EIF4G3: variants seen among roughly 807,000 people sequenced by gnomAD.
EIF4G3 encodes the protein eukaryotic translation initiation factor 4 gamma 3.
Under a neutral mutation model 186.4 loss-of-function variants are expected in EIF4G3, and 34 were observed. That is an observed-to-expected ratio of 0.18 (90% CI 0.14 to 0.24). The LOEUF (loss-of-function observed/expected upper bound fraction) is 0.24, where lower values mean the gene tolerates loss of function less well. EIF4G3 is among the 10% of genes least tolerant of loss of function. The pLI, the probability that EIF4G3 is intolerant of heterozygous loss-of-function variation, is 1.00. For missense variants in EIF4G3, 1,536 were observed against 1,948.5 expected (o/e 0.79, Z 3.99); for synonymous variants, 673 against 679.5 (o/e 0.99, Z 0.15).
At chr1:20,998,908 A>C in intron 6 of EIF4G3, 2 of 338,734 alleles carry the variant, frequency 5.9e-6, no homozygotes, top group South Asian at 4.9e-5. Flanking sequence ...CTCTATAGAG[A>C]CTTCCTTCTG....
At chr1:21,105,286 C>T (rs1278212150) in intron 2 of EIF4G3, among the ~76,000 whole-genome samples, 1 of 152,192 alleles carries the variant, frequency 6.6e-6, no homozygotes, top group Non-Finnish European at 1.5e-5. Flanking sequence ...AAAAATTAGC[C>T]ATAGGTGGTG....
intron 23 of EIF4G3, among the ~76,000 whole-genome samples, chr1:20,862,009 T>C (rs940356922): frequency 3.3e-5 from 5 of 151,340 alleles, no homozygotes; most frequent in African/African-American, 1.2e-4. Context: ...AATTGCAATA[T>C]GGTTTGATAA....
chr1:21,122,005 G>C (rs950614814), intron 2 of EIF4G3, among the ~76,000 whole-genome samples: 8 of 152,074 alleles, frequency 5.3e-5, no homozygotes, highest in Non-Finnish European at 1.0e-4. Context: ...GCAACAAAGA[G>C]GTTAGGTGGT....
At chr1:21,166,298 AGT>A (rs2097854555) in intron 2 of EIF4G3, among the ~76,000 whole-genome samples, 1 of 151,550 alleles carries the variant, frequency 6.6e-6, no homozygotes, top group Non-Finnish European at 1.5e-5. Context: ...GGCATAGCGG[AGT>A]GTGTCTGTGG....
At chr1:20,807,755 GTTTTTTTTTTTT>G (rs67864326) in intron 36 of EIF4G3, among the ~76,000 whole-genome samples, 5 of 63,868 alleles carry the variant, frequency 7.8e-5, no homozygotes, top group Non-Finnish European at 5.4e-5. Flanking sequence ...CTTTTTTTCT[GTTTTTTTTTTTT>G]TTTTTTTTTT....
rs532118344 is a variant in EIF4G3 at position 21,053,655 on chromosome 1, G to A, written c.-195-2661C>T. The stretch of plus-strand genomic sequence containing the variant: ...CGGGAGGTGAGGGGCGCCTCTGCCC[G>A]GCCGCCCCTACTGGGAAGTGAGGAG... On this transcript the variant is annotated intron_variant, in intron 3 of 36. Transcript: ENST00000602326. Among the ~76,000 whole-genome samples, 8 of 140,462 alleles carry A rather than the reference G, an allele frequency of 5.7e-5. No homozygotes were observed. In the East Asian group the frequency reaches 1.0e-3, roughly 18 times the overall value. The allele number at this position is 140,462 out of a possible 152,430, so 92.1% of individuals were successfully genotyped here. A position where few individuals can be genotyped will look rare whatever the true frequency, so the allele number is the denominator to read the frequency against.
chr1:21,032,499 C>G (rs1002619417), intron 4 of EIF4G3, among the ~76,000 whole-genome samples: 1 of 151,826 alleles, frequency 6.6e-6, no homozygotes, highest in Non-Finnish European at 1.5e-5. Flanking sequence ...TTCCTCATAT[C>G]TACCTTGAAG....
At chr1:20,885,136 C>T (rs943078619) in intron 19 of EIF4G3, among the ~76,000 whole-genome samples, 1 of 152,170 alleles carries the variant, frequency 6.6e-6, no homozygotes, top group Non-Finnish European at 1.5e-5. Flanking sequence ...CCACCACTTA[C>T]CTCCTGCTGT....
intron 4 of EIF4G3, among the ~76,000 whole-genome samples, chr1:21,010,438 GAAAA>G (rs2086695111): frequency 7.7e-6 from 1 of 130,696 alleles, no homozygotes. Flanking sequence ...AAAAAAAAAA[GAAAA>G]AGAAAAAGAA....
chr1:21,093,047 C>A (rs2101471689), intron 2 of EIF4G3, among the ~76,000 whole-genome samples: 1 of 152,248 alleles, frequency 6.6e-6, no homozygotes, highest in Non-Finnish European at 1.5e-5. Flanking sequence ...TGGGCAAGGA[C>A]TTCACGTCTA....
Position 20,879,540 on chromosome 1 carries a change from G to GA in EIF4G3, c.2425-21dup, listed in dbSNP as rs746813982. 2.2e-6 allele frequency: 3 copies of GA among 1,367,558 alleles called. No individual in the cohort carries two copies. Among genetic ancestry groups the GA allele is most frequent in the Non-Finnish European group, 2.9e-6 (3 of 1,046,398 alleles). 84.7% of individuals were successfully genotyped at this position (1,367,558 alleles called of 1,614,324 possible). On this transcript the variant is annotated intron_variant, in intron 19 of 36. Transcript: ENST00000602326. ...AAGCTCCTAGAAGGGCCACAAAAAA[G>GA]AAAAAAGCATTAGAGTAACTGTGAC...
intron 12 of EIF4G3, among the ~76,000 whole-genome samples, chr1:20,964,881 A>G (rs148414452): frequency 2.1e-4 from 32 of 152,290 alleles, no homozygotes; most frequent in Non-Finnish European, 2.9e-4. Context: ...TAGCAAATCC[A>G]TAACTCCAGT....
At chr1:21,024,630 T>C (rs978903986) in intron 4 of EIF4G3, among the ~76,000 whole-genome samples, 5 of 150,332 alleles carry the variant, frequency 3.3e-5, no homozygotes, top group Admixed American at 1.3e-4. Flanking sequence ...CTGTGTCCAC[T>C]CAGGGTTAAA....
At chr1:20,950,666 C>T (rs982229834) in intron 12 of EIF4G3, among the ~76,000 whole-genome samples, 5 of 152,028 alleles carry the variant, frequency 3.3e-5, no homozygotes. Context: ...GCAATTTTAC[C>T]ATAAAATGTC....
intron 36 of EIF4G3, among the ~76,000 whole-genome samples, chr1:20,808,996 G>A (rs971141906): frequency 6.6e-6 from 1 of 151,188 alleles, no homozygotes; most frequent in Non-Finnish European, 1.5e-5. Flanking sequence ...TTTTTTAAAT[G>A]GAGTTTTGCT....
intron 10 of EIF4G3, among the ~76,000 whole-genome samples, chr1:20,973,394 TA>T (rs2076265905): frequency 6.6e-6 from 1 of 152,250 alleles, no homozygotes; most frequent in South Asian, 2.1e-4. Context: ...GATCATGCTA[TA>T]GTGATGCTTT....
intron 1 of EIF4G3, 33 bp from the exon 2 acceptor site, chr1:21,176,391 A>G: frequency 4.4e-6 from 1 of 225,980 alleles, no homozygotes; most frequent in Non-Finnish European, 8.4e-6. Flanking sequence ...CGGTAAACTC[A>G]TGGCAAAGCG....
At chr1:20,955,293 G>GCAAT (rs1238014883) in intron 12 of EIF4G3, among the ~76,000 whole-genome samples, 9 of 151,810 alleles carry the variant, frequency 5.9e-5, no homozygotes, top group Admixed American at 5.9e-4. Flanking sequence ...GTGCAGTGGT[G>GCAAT]CAATCACAGC....
At position 21,024,800 on chromosome 1, in the gene EIF4G3, C is replaced by G. The variant is rs560397452; in HGVS notation, c.-66-21992G>C. 3.5e-3 allele frequency among the ~76,000 whole-genome samples: 530 copies of G among 149,420 alleles called. 4 individuals are homozygous for G. Among genetic ancestry groups the G allele is most frequent in the African/African-American group, 0.012 (499 of 40,600 alleles). Reference sequence around the variant, plus strand: ...CCTAGGAAAACCAGAGACCTTTGTTCACTTGTTTATCTGCTGACCTTCCCT... The same window carrying G: ...CCTAGGAAAACCAGAGACCTTTGTTGACTTGTTTATCTGCTGACCTTCCCT... On this transcript the variant is annotated intron_variant, in intron 4 of 36. Coordinates refer to ENST00000602326, the MANE Select transcript of EIF4G3 (RefSeq NM_001391906.1).
Sources: allele counts gnomAD v4.1 joint callset (sites outside exome capture counted in the v4.1 genomes callset), GRCh38; gene constraint gnomAD v4.1.1; transcripts MANE v1.5; gene names NCBI Gene and HGNC (gene_info 2026-07-23, HGNC 2026-07-21).